KCNJ14: variants seen among roughly 807,000 people sequenced by gnomAD.
KCNJ14 encodes ATP-sensitive inward rectifier potassium channel 14.
KCNJ14 carries 18 observed loss-of-function variants against 24.5 expected under a neutral mutation model. That is an observed-to-expected ratio of 0.74 (90% confidence interval 0.51 to 1.09). KCNJ14 has a LOEUF of 1.09. Ranked by LOEUF, KCNJ14 falls within the 50% of genes least tolerant of loss-of-function variation. KCNJ14 has a pLI of 0.00. For missense variants in KCNJ14, 633 were observed against 623.0 expected (o/e 1.02, Z -0.17); for synonymous variants, 288 against 270.8 (o/e 1.06, Z -0.63).
chr19:48,462,414 C>T lies in KCNJ14; in HGVS notation c.690C>T (p.Ala230=). Residue 230 remains alanine (A), a synonymous_variant, in exon 2 of 3, where the codon GCC becomes GCT. Coordinates refer to ENST00000342291, the MANE Select transcript of KCNJ14 (RefSeq NM_013348.4). This position sits in a 1 kb window ranked among gnomAD's most constrained non-coding sequence, Gnocchi z 4.9. Reference sequence around the variant, plus strand: ...TGCGCCGCAGCCACCTGGTCGAGGCCCACGTGCGTGCCCAGCTGCTGCAGG... The same window carrying T: ...TGCGCCGCAGCCACCTGGTCGAGGCTCACGTGCGTGCCCAGCTGCTGCAGG... The part of the protein sequence containing the change: ...GNLRRSHLVE[A]HVRAQLLQPR... 6 of 1,496,492 alleles carry T rather than the reference C, an allele frequency of 4.0e-6. No individual in the cohort carries two copies. Among genetic ancestry groups the T allele is most frequent in the Non-Finnish European group, 5.4e-6 (6 of 1,118,018 alleles). The allele number at this position is 1,496,492 out of a possible 1,614,324, so 92.7% of individuals were successfully genotyped here. A position where few individuals can be genotyped will look rare whatever the true frequency, so the allele number is the denominator to read the frequency against.
chr19:48,460,321 G>A (rs993235524), intron 1 of KCNJ14, among the ~76,000 whole-genome samples: 9 of 151,600 alleles, frequency 5.9e-5, no homozygotes, highest in Middle Eastern at 3.4e-3. Flanking sequence ...TCGGCTCACC[G>A]CAACCTCCAC....
intron 2 of KCNJ14, among the ~76,000 whole-genome samples, chr19:48,463,901 CTTT>C (rs1971627730): frequency 6.6e-6 from 1 of 152,004 alleles, no homozygotes; most frequent in African/African-American, 2.4e-5. Flanking sequence ...TTTCCTCTCT[CTTT>C]ATCTCTGGGT....
chr19:48,464,024 T>C (rs1055662410), intron 2 of KCNJ14, among the ~76,000 whole-genome samples, 157 bp from the exon 3 acceptor site: 5 of 152,118 alleles, frequency 3.3e-5, no homozygotes, highest in Non-Finnish European at 7.3e-5. Context: ...TTCCTCTCTC[T>C]CTGGGTTGCC....
intron 1 of KCNJ14, among the ~76,000 whole-genome samples, chr19:48,459,103 G>A (rs368838177): frequency 2.7e-4 from 41 of 151,230 alleles, no homozygotes; most frequent in East Asian, 7.8e-4. Context: ...TTAGCCGGGC[G>A]TAGTGGCAGG....
Position 48,462,234 on chromosome 19 carries a change from C to A in KCNJ14, c.510C>A (p.Cys170Ter). 1 of 1,549,520 alleles carries A rather than the reference C, an allele frequency of 6.5e-7. No individual in the cohort carries two copies. Among genetic ancestry groups the A allele is most frequent in the African/African-American group, 1.4e-5 (1 of 73,318 alleles). The change falls in exon 2 of 3, where the codon TGC (cysteine) becomes TGA (stop). Residue 170 changes from cysteine to a stop codon, truncating the protein, a stop_gained. Transcript: ENST00000342291. LOFTEE classifies it high-confidence loss of function. The surrounding 1 kb of genome is among the most constrained non-coding windows in gnomAD (Gnocchi z 4.9). ...PAAVAAVVLQCIAGCVLDAFV... is the reference protein window; with the variant it reads ...PAAVAAVVLQ The stretch of plus-strand genomic sequence containing the variant: ...CTGTGGCCGCCGTGGTGCTGCAGTG[C>A]ATTGCCGGCTGCGTGCTCGACGCCT...
rs1971530232 is a variant in KCNJ14, at chr19:48,455,637, CG to C, written c.-276del. 6.6e-6 allele frequency: 1 copy of C among 152,200 alleles called. No homozygotes were observed. The highest frequency in any genetic ancestry group is 1.5e-5 in the Non-Finnish European group (1 of 68,054). The allele number at this position is 152,200 out of a possible 1,614,324, so 9.4% of individuals were successfully genotyped here. A position where few individuals can be genotyped will look rare whatever the true frequency, so the allele number is the denominator to read the frequency against. On this transcript the variant is annotated 5_prime_UTR_variant, in exon 1 of 3. It removes the in-frame stop codon of an upstream open reading frame in the 5' UTR. Transcript: ENST00000342291. ...CAGATGGCCCCCTGGTGAAGGTTCC[CG>C]TTGGCTTTGGGAAGTAGACAACGGG...
chr19:48,462,127 C>G lies in KCNJ14; in HGVS notation c.403C>G (p.Leu135Val). 6.3e-7 allele frequency: 1 copy of G among 1,597,264 alleles called. No homozygotes were observed. The highest frequency in any genetic ancestry group is 8.5e-7 in the Non-Finnish European group (1 of 1,173,222). ...APCFSHVASFLAAFLFALETQ... is the reference protein window; with the variant it reads ...APCFSHVASFVAAFLFALETQ... ...CTGCTTCTCACACGTGGCCAGCTTC[C>G]TGGCCGCCTTCCTCTTCGCGCTGGA... The change falls in exon 2 of 3, where the codon CTG becomes GTG. Residue 135 changes from leucine (L) to valine (V), a missense_variant. Physicochemically the swap from Leu to Val is conservative, Grantham distance 32. Transcript: ENST00000342291. The surrounding 1 kb of genome is among the most constrained non-coding windows in gnomAD (Gnocchi z 4.9).
At position 48,464,288 on chromosome 19, in the gene KCNJ14, C is replaced by T. The variant is rs144173583; in HGVS notation, c.822C>T (p.Ile274=). 1.1e-4 allele frequency: 184 copies of T among 1,614,008 alleles called. No individual in the cohort carries two copies. In the African/African-American group the frequency reaches 1.9e-3, roughly 16 times the overall value. ...TCTTCCTCGTGTCCCCCATCACCAT[C>T]GTCCATGAGATCGACTCTGCCAGTC... is the stretch of plus-strand genomic sequence containing the variant. ...DRIFLVSPIT[I]VHEIDSASPL... Residue 274 remains isoleucine, a synonymous_variant, in exon 3 of 3, where the codon ATC becomes ATT. Transcript: ENST00000342291.
At position 48,464,233 on chromosome 19, in the gene KCNJ14, A is replaced by G; in HGVS notation, c.767A>G (p.Asp256Gly). ...ATCCCGCTGGACCACCAGGATGTGG[A>G]TGTGGGCTTTGATGGAGGCACCGAT... ...EYIPLDHQDV[D>G]VGFDGGTDRI... The change falls in exon 3 of 3, where the codon GAT (aspartate) becomes GGT (glycine). Residue 256 changes from aspartate to glycine, a missense_variant. Coordinates refer to ENST00000342291, the MANE Select transcript of KCNJ14 (RefSeq NM_013348.4). 6.2e-7 allele frequency: 1 copy of G among 1,613,906 alleles called. No homozygotes were observed. The highest frequency in any genetic ancestry group is 1.7e-5 in the Admixed American group (1 of 59,980).
rs959951801 is a variant in KCNJ14 at position 48,462,516 on chromosome 19, G to T, written c.714+78G>T. 7 of 1,145,122 alleles carry T rather than the reference G, an allele frequency of 6.1e-6. No homozygotes were observed. The highest frequency in any genetic ancestry group is 8.4e-6 in the Non-Finnish European group (7 of 835,940). 70.9% of individuals were successfully genotyped at this position (1,145,122 alleles called of 1,614,324 possible). On this transcript the variant is annotated intron_variant, in intron 2 of 2. Coordinates refer to ENST00000342291, the MANE Select transcript of KCNJ14 (RefSeq NM_013348.4). The surrounding 1 kb of genome is among the most constrained non-coding windows in gnomAD (Gnocchi z 4.9). ...AGATGTAGGCCCGAGGGCGAGGGGCGTGCGGTCCTGGAGGGGGCGTGGACT... is the reference window on the plus strand; with the variant it reads ...AGATGTAGGCCCGAGGGCGAGGGGCTTGCGGTCCTGGAGGGGGCGTGGACT...
rs1420902885 is a variant in KCNJ14, at chr19:48,462,115, G to A, written c.391G>A (p.Val131Met). The A allele has an allele frequency of 6.3e-7, 1 of 1,599,556 alleles. No individual in the cohort carries two copies. Among genetic ancestry groups the A allele is most frequent in the Middle Eastern group, 1.7e-4 (1 of 5,782 alleles). Reference sequence around the variant, plus strand: ...ACCGCCCGCGCCCTGCTTCTCACACGTGGCCAGCTTCCTGGCCGCCTTCCT... The same window carrying A: ...ACCGCCCGCGCCCTGCTTCTCACACATGGCCAGCTTCCTGGCCGCCTTCCT... ...PPPPAPCFSH[V>M]ASFLAAFLFA... Residue 131 changes from valine (V) to methionine (M), a missense_variant, in exon 2 of 3, where the codon GTG becomes ATG. By Grantham distance (21) the Val-to-Met change is conservative. Transcript: ENST00000342291. The surrounding 1 kb of genome is among the most constrained non-coding windows in gnomAD (Gnocchi z 4.9).
chr19:48,464,094 T>C, intron 2 of KCNJ14, 87 bp from the exon 3 acceptor site: 1 of 945,478 alleles, frequency 1.1e-6, no homozygotes, highest in African/African-American at 1.6e-5. Context: ...CTTTGCCTTC[T>C]TTCTCTGCAT....
At chr19:48,463,307 G>A (rs1255189196) in intron 2 of KCNJ14, among the ~76,000 whole-genome samples, 3 of 152,142 alleles carry the variant, frequency 2.0e-5, no homozygotes, top group Non-Finnish European at 4.4e-5. Flanking sequence ...ACTCCCAGCC[G>A]CCTCTGGGGT....
Position 48,464,571 on chromosome 19 carries a change from C to T in KCNJ14, c.1105C>T (p.Arg369Trp), listed in dbSNP as rs201423066. The change falls in exon 3 of 3, where the codon CGG (arginine) becomes TGG (tryptophan). Residue 369 changes from arginine to tryptophan, a missense_variant. Arg to Trp is a moderately radical substitution (Grantham distance 101). Transcript: ENST00000342291. ...PVCSAKELDE[R>W]AEQASHSLKS... Reference sequence around the variant, plus strand: ...CTGCAGTGCTAAGGAGCTGGATGAACGGGCAGAGCAGGCTTCCCACAGCCT... The same window carrying T: ...CTGCAGTGCTAAGGAGCTGGATGAATGGGCAGAGCAGGCTTCCCACAGCCT... The T allele has an allele frequency of 3.0e-5, 49 of 1,613,990 alleles. No homozygotes were observed. The highest frequency in any genetic ancestry group is 3.3e-4 in the Middle Eastern group (2 of 6,084).
rs1216848376 is a variant in KCNJ14 at position 48,462,395 on chromosome 19, G to T, written c.671G>T (p.Arg224Leu). Residue 224 changes from arginine (R) to leucine (L), a missense_variant, in exon 2 of 3, where the codon CGC (arginine) becomes CTC (leucine). Transcript: ENST00000342291. This position sits in a 1 kb window ranked among gnomAD's most constrained non-coding sequence, Gnocchi z 4.9. ...ATGTGGCGCGTCGGCAACCTGCGCC[G>T]CAGCCACCTGGTCGAGGCCCACGTG... is the stretch of plus-strand genomic sequence containing the variant. ...CLMWRVGNLR[R>L]SHLVEAHVRA... 2.8e-5 allele frequency: 42 copies of T among 1,516,784 alleles called. No homozygotes were observed. Among genetic ancestry groups the T allele is most frequent in the Non-Finnish European group, 3.6e-5 (41 of 1,126,976 alleles). The allele number at this position is 1,516,784 out of a possible 1,614,324, so 94.0% of individuals were successfully genotyped here.
At chr19:48,461,587 T>TA (rs1162922856) in intron 1 of KCNJ14, 83 bp from the exon 2 acceptor site, 3 of 405,524 alleles carry the variant, frequency 7.4e-6, no homozygotes, top group Non-Finnish European at 8.5e-6. Context: ...ATGAGGCCAC[T>TA]AAGCCCCACC....
intron 1 of KCNJ14, among the ~76,000 whole-genome samples, chr19:48,458,557 GCAC>G (rs1277962631): frequency 3.3e-5 from 5 of 152,036 alleles, no homozygotes; most frequent in African/African-American, 1.2e-4. Flanking sequence ...CTACAGATGT[GCAC>G]CACCAGGCCC....
In KCNJ14 at chr19:48,462,069, C is replaced by T; in HGVS notation, c.345C>T (p.His115=). ...GLAFWLIASL[H]GDLAAPPPPA... ...CCTTCTGGCTCATTGCCTCGCTGCACGGCGACCTGGCCGCCCCGCCACCGC... is the reference window on the plus strand; with the variant it reads ...CCTTCTGGCTCATTGCCTCGCTGCATGGCGACCTGGCCGCCCCGCCACCGC... The change falls in exon 2 of 3, where the codon CAC becomes CAT. Residue 115 remains histidine, a synonymous_variant. Coordinates refer to ENST00000342291, the MANE Select transcript of KCNJ14 (RefSeq NM_013348.4). The surrounding 1 kb of genome is among the most constrained non-coding windows in gnomAD (Gnocchi z 4.9). 1.2e-6 allele frequency: 2 copies of T among 1,608,068 alleles called. No homozygotes were observed. Among genetic ancestry groups the T allele is most frequent in the South Asian group, 1.1e-5 (1 of 90,712 alleles).
intron 2 of KCNJ14, among the ~76,000 whole-genome samples, chr19:48,463,070 G>T (rs1971617988): frequency 6.6e-6 from 1 of 152,180 alleles, no homozygotes; most frequent in African/African-American, 2.4e-5. Context: ...GAGCAGGGTG[G>T]AGGTGGCAAC....
Sources: allele counts gnomAD v4.1 joint callset (sites outside exome capture counted in the v4.1 genomes callset), GRCh38; gene constraint gnomAD v4.1.1; non-coding constraint Gnocchi (gnomAD v3.1); transcripts MANE v1.5; gene names NCBI Gene and HGNC (gene_info 2026-07-23, HGNC 2026-07-21).